Variants in NRG4 observed in about 807,000 individuals in gnomAD.
The protein encoded by NRG4 is neuregulin 4, also known as pro-neuregulin-4, membrane-bound isoform.
NRG4 carries 10 observed loss-of-function variants against 15.0 expected under a neutral mutation model. The ratio of observed to expected loss-of-function variants is 0.67; its 90% CI spans 0.41 to 1.13. The LOEUF is 1.13. Ranked by LOEUF, NRG4 falls within the 50% of genes most tolerant of loss-of-function variation. NRG4 has a pLI of 0.00. For missense variants in NRG4, 139 were observed against 140.2 expected, an observed-to-expected ratio of 0.99 and a Z score of 0.04; for synonymous variants, 41 against 50.1, an observed-to-expected ratio of 0.82 and a Z score of 0.77.
intron 4 of NRG4, 52 bp downstream of exon 4, chr15:75,961,776 A>G (rs556137631): frequency 1.5e-6 from 2 of 1,328,472 alleles, no homozygotes; most frequent in South Asian, 2.5e-5. Context: ...ATTTAGTGGA[A>G]TAACTACTTT....
At chr15:76,053,500 G>A (rs1299186613) in intron 2 of NRG4, 1 of 150,918 alleles carries the variant, frequency 6.6e-6, no homozygotes, top group African/African-American at 2.5e-5. Context: ...CAATTACTAG[G>A]ATTCTATCAA....
upstream of NRG4, among the ~76,000 whole-genome samples, chr15:76,015,947 T>G (rs2034960951): frequency 6.6e-6 from 1 of 152,172 alleles, no homozygotes. Flanking sequence ...GTACCTCTGG[T>G]GGAATTTGGC....
At chr15:76,018,986 C>T (rs334943) in intron 5 of NRG4, among the ~76,000 whole-genome samples, 2,073 of 152,138 alleles carry the variant, frequency 0.014, 47 homozygotes, top group African/African-American at 0.047. Context: ...TCCATAACCC[C>T]CTGACTGGGG....
chr15:75,939,388 A>G (rs1384262430), downstream of NRG4: 1 of 152,174 alleles, frequency 6.6e-6, no homozygotes. Context: ...AAAAATCTCA[A>G]TAGAACTATA....
intron 2 of NRG4, chr15:76,053,215 T>C (rs1301592667): frequency 6.6e-6 from 1 of 150,944 alleles, no homozygotes; most frequent in Non-Finnish European, 1.5e-5. Flanking sequence ...TCAAACTTAT[T>C]TAGGCACAAC....
intron 3 of NRG4, among the ~76,000 whole-genome samples, chr15:76,002,278 A>G (rs62027608): frequency 0.23 from 35,027 of 152,124 alleles, 4,865 homozygotes; most frequent in Non-Finnish European, 0.31. Flanking sequence ...ACTGTAATAA[A>G]TTAAGAATAT....
At chr15:75,940,196 A>G (rs944458004), downstream of NRG4, 4 of 152,150 alleles carry the variant, frequency 2.6e-5, no homozygotes, top group Non-Finnish European at 5.9e-5. Flanking sequence ...CTATACACTA[A>G]CAATGAACAA....
intron 2 of NRG4, among the ~76,000 whole-genome samples, chr15:76,056,158 G>A (rs1388497547): frequency 6.6e-6 from 1 of 152,014 alleles, no homozygotes; most frequent in Non-Finnish European, 1.5e-5. Flanking sequence ...TAAAAAAAAC[G>A]ATTTAGCGGC....
intron 3 of NRG4, among the ~76,000 whole-genome samples, chr15:75,963,893 T>G (rs187796286): frequency 2.6e-4 from 39 of 151,958 alleles, no homozygotes; most frequent in African/African-American, 9.2e-4. Context: ...CAGTGAGCTA[T>G]GATCATGCCA....
intron 5 of NRG4, among the ~76,000 whole-genome samples, 168 bp from the exon 6 acceptor site, chr15:75,943,822 G>C (rs1402665247): frequency 6.6e-6 from 1 of 152,068 alleles, no homozygotes; most frequent in Non-Finnish European, 1.5e-5. Flanking sequence ...ATTTCCAGCA[G>C]CCTGACAAGA....
At position 76,053,783 on chromosome 15, in the gene NRG4, T is replaced by G. The variant is rs563938338; in HGVS notation, c.-261-800A>C. On this transcript the variant is annotated intron_variant, in intron 2 of 8. Coordinates refer to the NRG4 transcript ENST00000563910. ...GTTGGCCAGGCTGGTCTCAAACTCC[T>G]GACCTCAAGTGATCTGGGATTACAG... Among the ~76,000 whole-genome samples, 6 of 151,006 alleles carry G rather than the reference T, an allele frequency of 4.0e-5. No individual in the cohort carries two copies. The South Asian group carries it at 1.2e-3, about 31-fold the overall frequency.
chr15:76,050,530 A>G (rs573993140), intron 4 of NRG4, among the ~76,000 whole-genome samples: 13 of 139,228 alleles, frequency 9.3e-5, no homozygotes, highest in African/African-American at 3.1e-4. Context: ...TCCCAGGTTC[A>G]AGCAATTCTC....
chr15:76,025,768 T>C (rs747484465), intron 5 of NRG4, among the ~76,000 whole-genome samples: 12 of 151,878 alleles, frequency 7.9e-5, no homozygotes, highest in Non-Finnish European at 1.2e-4. Context: ...TCCCAGCTAC[T>C]TGGAAGGCTG....
At chr15:75,954,855 G>A (rs2032140905) in intron 5 of NRG4, among the ~76,000 whole-genome samples, 1 of 151,934 alleles carries the variant, frequency 6.6e-6, no homozygotes, top group South Asian at 2.1e-4. Flanking sequence ...GTTGAGCTTT[G>A]ATCTAGGATG....
chr15:76,033,891 A>G (rs2035536253), intron 5 of NRG4, among the ~76,000 whole-genome samples: 1 of 152,232 alleles, frequency 6.6e-6, no homozygotes, highest in South Asian at 2.1e-4. Flanking sequence ...CACTGTAGCA[A>G]TAAGTTTTAA....
intron 3 of NRG4, among the ~76,000 whole-genome samples, chr15:75,968,080 T>C (rs1240404028): frequency 6.6e-6 from 1 of 152,222 alleles, no homozygotes; most frequent in Non-Finnish European, 1.5e-5. Flanking sequence ...TTACTGAGTG[T>C]GTGCATTCGC....
At chr15:76,002,339 AC>A (rs2034445030) in intron 3 of NRG4, among the ~76,000 whole-genome samples, 1 of 152,218 alleles carries the variant, frequency 6.6e-6, no homozygotes, top group Non-Finnish European at 1.5e-5. Context: ...GAAAGGTATA[AC>A]AAGAGATAAT....
chr15:75,989,920 C>A (rs1396388339), intron 3 of NRG4, among the ~76,000 whole-genome samples: 1 of 152,090 alleles, frequency 6.6e-6, no homozygotes, highest in African/African-American at 2.4e-5. Flanking sequence ...ACTTGTAAAT[C>A]AGCTTGATTC....
intron 5 of NRG4, among the ~76,000 whole-genome samples, chr15:75,947,222 G>C (rs968109131): frequency 1.3e-5 from 2 of 152,164 alleles, no homozygotes; most frequent in Admixed American, 1.3e-4. Flanking sequence ...ACACTTCCCT[G>C]AGGAGAGATT....
Sources: gnomAD v4.1 joint callset for allele counts (sites outside exome capture counted in the v4.1 genomes callset) on GRCh38, gnomAD v4.1.1 for gene constraint, MANE v1.5 for transcripts, NCBI Gene and HGNC (gene_info 2026-07-23, HGNC 2026-07-21) for gene names.